CADPS2: variants seen among roughly 807,000 people sequenced by gnomAD.
CADPS2 encodes the protein calcium dependent secretion activator 2, also known as calcium-dependent secretion activator 2.
CADPS2 carries 93 observed loss-of-function variants against 172.5 expected under a neutral mutation model. That is an observed-to-expected ratio of 0.54 (90% CI 0.46 to 0.64). CADPS2 has a LOEUF of 0.64. Ranked by LOEUF, CADPS2 falls within the 30% of genes least tolerant of loss-of-function variation. CADPS2 has a pLI of 0.00. For synonymous variants in CADPS2, 546 were observed against 555.2 expected, an observed-to-expected ratio of 0.98 and a Z score of 0.23; for missense variants, 1,420 against 1,565.9, an observed-to-expected ratio of 0.91 and a Z score of 1.57.
chr7:122,373,011 T>G (rs2041950771), intron 25 of CADPS2, among the ~76,000 whole-genome samples: 1 of 152,224 alleles, frequency 6.6e-6, no homozygotes, highest in South Asian at 2.1e-4. Flanking sequence ...TATATAATTT[T>G]ATGCAAACTA....
intron 1 of CADPS2, among the ~76,000 whole-genome samples, chr7:122,742,388 C>G (rs2092530045): frequency 6.6e-6 from 1 of 150,380 alleles, no homozygotes; most frequent in African/African-American, 2.4e-5. Context: ...GAGACTCCAT[C>G]TCAAAAAAAA....
intron 1 of CADPS2, among the ~76,000 whole-genome samples, chr7:122,764,250 C>T (rs930578470): frequency 6.6e-6 from 1 of 152,050 alleles, no homozygotes; most frequent in Admixed American, 6.6e-5. Context: ...TATTCATATC[C>T]CTGTCACAGA....
chr7:122,523,388 T>C, intron 8 of CADPS2, among the ~76,000 whole-genome samples: 1 of 152,126 alleles, frequency 6.6e-6, no homozygotes. Context: ...TGCAGATAAA[T>C]ATTTTATTAA....
intron 1 of CADPS2, among the ~76,000 whole-genome samples, chr7:122,738,380 T>C (rs1337195962): frequency 1.3e-5 from 2 of 151,760 alleles, no homozygotes; most frequent in African/African-American, 4.8e-5. Flanking sequence ...TAAGGCGTCT[T>C]AGATCTTAGG....
chr7:122,430,528 C>T (rs1334147239), intron 17 of CADPS2, among the ~76,000 whole-genome samples: 1 of 151,864 alleles, frequency 6.6e-6, no homozygotes, highest in African/African-American at 2.4e-5. Flanking sequence ...TCTCTGCATG[C>T]CAGAATTACA....
intron 11 of CADPS2, among the ~76,000 whole-genome samples, chr7:122,483,401 T>C (rs1292203277): frequency 3.3e-5 from 5 of 152,076 alleles, no homozygotes; most frequent in Non-Finnish European, 5.9e-5. Context: ...GTAAAATAAA[T>C]ACTTTTTTTC....
intron 1 of CADPS2, among the ~76,000 whole-genome samples, chr7:122,795,756 C>T (rs775086857): frequency 1.7e-4 from 26 of 152,106 alleles, no homozygotes; most frequent in Non-Finnish European, 2.8e-4. Flanking sequence ...AAACATCATA[C>T]TGAATGGGCA....
intron 7 of CADPS2, among the ~76,000 whole-genome samples, chr7:122,563,551 T>C (rs2066020590): frequency 1.3e-5 from 2 of 152,112 alleles, no homozygotes; most frequent in African/African-American, 4.8e-5. Flanking sequence ...CAATTTTATA[T>C]CGCCCCCCTC....
intron 1 of CADPS2, among the ~76,000 whole-genome samples, chr7:122,848,536 T>C (rs1481457979): frequency 6.6e-6 from 1 of 152,162 alleles, no homozygotes; most frequent in Non-Finnish European, 1.5e-5. Context: ...CTGTCCCTGG[T>C]TGGTGAAAAA....
At chr7:122,354,581 G>A (rs1240819511) in intron 27 of CADPS2, among the ~76,000 whole-genome samples, 2 of 151,874 alleles carry the variant, frequency 1.3e-5, no homozygotes, top group Middle Eastern at 3.4e-3. Flanking sequence ...TTTTTTTTTG[G>A]GGGGGAGGGG....
chr7:122,656,507 A>C (rs1411941539), intron 3 of CADPS2, among the ~76,000 whole-genome samples: 3 of 152,166 alleles, frequency 2.0e-5, no homozygotes, highest in African/African-American at 7.2e-5. Flanking sequence ...AGAATGAAGA[A>C]TATGGTAGTA....
At chr7:122,333,777 C>T (rs1205114291) in intron 28 of CADPS2, among the ~76,000 whole-genome samples, 1 of 152,136 alleles carries the variant, frequency 6.6e-6, no homozygotes, top group African/African-American at 2.4e-5. Context: ...AAGGCTTTAA[C>T]TGAATCTTAC....
chr7:122,869,882 C>T (rs1191453030), intron 1 of CADPS2, among the ~76,000 whole-genome samples: 1 of 152,014 alleles, frequency 6.6e-6, no homozygotes, highest in Non-Finnish European at 1.5e-5. Context: ...TTATTATCAG[C>T]TTTAAACAGC....
At chr7:122,593,508 C>G (rs1392823526) in intron 6 of CADPS2, among the ~76,000 whole-genome samples, 9 of 151,934 alleles carry the variant, frequency 5.9e-5, no homozygotes, top group Non-Finnish European at 1.2e-4. Context: ...CCTCATAATA[C>G]ATTTGAGGCA....
intron 3 of CADPS2, among the ~76,000 whole-genome samples, chr7:122,662,107 T>TA (rs1283560964): frequency 1.3e-5 from 2 of 152,148 alleles, no homozygotes; most frequent in African/African-American, 4.8e-5. Flanking sequence ...AAGTAACCAA[T>TA]ATGGATATAA....
At chr7:122,572,532 C>G (rs1252738719) in intron 7 of CADPS2, among the ~76,000 whole-genome samples, 1 of 152,042 alleles carries the variant, frequency 6.6e-6, no homozygotes, top group Non-Finnish European at 1.5e-5. Flanking sequence ...GTTATTTTGG[C>G]AAACCCTCCA....
chr7:122,665,863 T>A (rs1444878811), intron 2 of CADPS2, among the ~76,000 whole-genome samples: 1 of 152,222 alleles, frequency 6.6e-6, no homozygotes, highest in African/African-American at 2.4e-5. Flanking sequence ...CCTGTCTTAT[T>A]TTTTATGTTT....
chr7:122,851,497 C>A (rs1813616530), intron 1 of CADPS2, among the ~76,000 whole-genome samples: 1 of 152,120 alleles, frequency 6.6e-6, no homozygotes, highest in Non-Finnish European at 1.5e-5. Context: ...GCATGTAAAC[C>A]AGTACTAAAA....
chr7:122,460,023 T>C (rs1302162796), intron 14 of CADPS2, among the ~76,000 whole-genome samples: 1 of 152,190 alleles, frequency 6.6e-6, no homozygotes, highest in Non-Finnish European at 1.5e-5. Context: ...AGCAGTCATT[T>C]AGGTGAAACC....
Sources: allele counts gnomAD v4.1 joint callset (sites outside exome capture counted in the v4.1 genomes callset), GRCh38; gene constraint gnomAD v4.1.1; transcripts MANE v1.5; gene names NCBI Gene and HGNC (gene_info 2026-07-23, HGNC 2026-07-21).